Variants in DDX23 observed in about 807,000 individuals in gnomAD.
DDX23 encodes the protein probable ATP-dependent RNA helicase DDX23.
A neutral mutation model predicts 102.7 loss-of-function variants in DDX23; 33 were observed. The observed-to-expected ratio is 0.32, with a 90% CI of 0.24 to 0.43. The LOEUF (loss-of-function observed/expected upper bound fraction) is 0.43, where lower values mean the gene tolerates loss of function less well. Among genes scored for constraint, DDX23 ranks in the 20% least tolerant of loss-of-function variants. The pLI, the probability that DDX23 is intolerant of heterozygous loss-of-function variation, is 1.00. For missense variants in DDX23, 549 were observed against 1,086.6 expected, an observed-to-expected ratio of 0.51 and a Z score of 6.96; for synonymous variants, 352 against 376.0, an observed-to-expected ratio of 0.94 and a Z score of 0.74.
At chr12:48,843,903 G>A in intron 3 of DDX23, 37 bp downstream of exon 3, 1 of 1,601,722 alleles carries the variant, frequency 6.2e-7, no homozygotes, top group Non-Finnish European at 8.6e-7. Context: ...AGAAATGGGA[G>A]CATTCCCCTA....
At chr12:48,849,922 G>C (rs1938731220) in intron 1 of DDX23, among the ~76,000 whole-genome samples, 1 of 152,214 alleles carries the variant, frequency 6.6e-6, no homozygotes, top group Non-Finnish European at 1.5e-5. Context: ...CTTGACCCTG[G>C]GAAGCACTAA....
chr12:48,845,799 G>C lies in DDX23; in HGVS notation c.1-17C>G. The C allele has an allele frequency of 1.2e-6, 2 of 1,612,592 alleles. No homozygotes were observed. The highest frequency in any genetic ancestry group is 1.7e-6 in the Non-Finnish European group (2 of 1,179,088). ...TCCTGCCATCTGTAATGAGTAGGAA[G>C]AGTACTTACAATGTACTAGGCACTG... On this transcript the variant is annotated splice_polypyrimidine_tract_variant and intron_variant, in intron 1 of 16. Transcript: ENST00000308025.
chr12:48,831,474 G>A (rs1938385531), intron 15 of DDX23, among the ~76,000 whole-genome samples, 158 bp from the exon 16 acceptor site: 1 of 152,270 alleles, frequency 6.6e-6, no homozygotes, highest in Non-Finnish European at 1.5e-5. Context: ...AAGAAGGAGA[G>A]AACAAGTGAG....
At chr12:48,849,844 T>A (rs1202762806) in intron 1 of DDX23, among the ~76,000 whole-genome samples, 1 of 152,148 alleles carries the variant, frequency 6.6e-6, no homozygotes, top group Non-Finnish European at 1.5e-5. Context: ...ATACTACCTA[T>A]GGGGCCCATG....
intron 8 of DDX23, 97 bp downstream of exon 8, chr12:48,837,184 C>T: frequency 6.5e-7 from 1 of 1,550,012 alleles, no homozygotes; most frequent in Non-Finnish European, 8.8e-7. Flanking sequence ...ACCAATTTTC[C>T]ATCCCAGCTT....
rs1407262883 is a variant in DDX23 at position 48,832,075 on chromosome 12, C to T, written c.2064+3G>A. ...AGACTTTGTTCTCCCCTGCCAGACA[C>T]ACCCCCATCTTCTCCAGGGATTTGG... On this transcript the variant is annotated splice_donor_region_variant and intron_variant, in intron 15 of 16. Transcript: ENST00000308025. The surrounding 1 kb of genome is among the most constrained non-coding windows in gnomAD (Gnocchi z 4.4). 3 of 1,613,806 alleles carry T rather than the reference C, an allele frequency of 1.9e-6. No individual in the cohort carries two copies. Among genetic ancestry groups the T allele is most frequent in the South Asian group, 2.2e-5 (2 of 91,080 alleles).
At chr12:48,834,083 T>C (rs1938429764) in intron 12 of DDX23, among the ~76,000 whole-genome samples, 3 of 152,208 alleles carry the variant, frequency 2.0e-5, no homozygotes, top group Admixed American at 6.5e-5. Context: ...GAACCTCAGC[T>C]TGATCTATAA....
rs372885648 is a variant in DDX23 at position 48,848,244 on chromosome 12, C to T, written c.1-2462G>A. Among the ~76,000 whole-genome samples the T allele has an allele frequency of 2.6e-5, 4 of 152,032 alleles. No homozygotes were observed. In the East Asian group the frequency reaches 5.8e-4, roughly 22 times the overall value. ...GAGCTTGCAGTGAGCCGAGATCATG[C>T]CACTGCACTCCAGCCTGGGTGACAG... On this transcript the variant is annotated intron_variant, in intron 1 of 16. Transcript: ENST00000308025.
Position 48,843,955 on chromosome 12 carries a change from T to G in DDX23, c.305A>C (p.Asp102Ala). The G allele has an allele frequency of 6.2e-7, 1 of 1,614,072 alleles. No individual in the cohort carries two copies. The highest frequency in any genetic ancestry group is 8.5e-7 in the Non-Finnish European group (1 of 1,179,986). ...CTTCATGTACCTGGATCGTTTACGG[T>G]CCTTGTCCCGTCTGTGCCCATCCTT... ...RDKDGHRRDK[D>A]RKRSSLSPGR... Residue 102 changes from aspartate to alanine, a missense_variant, in exon 3 of 17, where the codon GAC (aspartate) becomes GCC (alanine). Around this residue, in one of 4 missense-constraint regions of DDX23, gnomAD observed 241 missense variants for 267.0 expected, o/e 0.90. Coordinates refer to ENST00000308025, the MANE Select transcript of DDX23 (RefSeq NM_004818.3).
intron 15 of DDX23, chr12:48,831,866 T>C (rs1592199133): frequency 5.1e-6 from 3 of 583,586 alleles, no homozygotes; most frequent in Non-Finnish European, 9.1e-6. Context: ...CAAGGCAGCT[T>C]TGGCTGGCAT....
chr12:48,831,449 G>A, intron 15 of DDX23, 133 bp from the exon 16 acceptor site: 4 of 848,392 alleles, frequency 4.7e-6, no homozygotes, highest in South Asian at 1.5e-5. Context: ...GGAAACAAGA[G>A]AATGATTGCA....
At chr12:48,843,795 G>C in intron 3 of DDX23, 145 bp downstream of exon 3, 1 of 766,582 alleles carries the variant, frequency 1.3e-6, no homozygotes, top group Admixed American at 2.3e-5. Flanking sequence ...TGATCCACCA[G>C]CCTCAGCCTC....
intron 3 of DDX23, among the ~76,000 whole-genome samples, chr12:48,841,612 C>T (rs1470846866): frequency 2.0e-5 from 3 of 152,226 alleles, no homozygotes; most frequent in African/African-American, 4.8e-5. Flanking sequence ...AGGCGTGCGC[C>T]GCCACGCCTG....
At chr12:48,834,747 A>G (rs1050263484) in intron 11 of DDX23, 17 of 344,380 alleles carry the variant, frequency 4.9e-5, no homozygotes, top group Non-Finnish European at 8.5e-5. Flanking sequence ...CAGCCTGGCC[A>G]ACATGGTGAA....
chr12:48,833,246 A>G, intron 13 of DDX23, 31 bp downstream of exon 13: 1 of 1,612,946 alleles, frequency 6.2e-7, no homozygotes, highest in Non-Finnish European at 8.5e-7. Flanking sequence ...TGGCCTGTCC[A>G]ACTTTTCCCA....
At chr12:48,848,899 G>A (rs536796604) in intron 1 of DDX23, among the ~76,000 whole-genome samples, 34 of 152,010 alleles carry the variant, frequency 2.2e-4, no homozygotes, top group African/African-American at 6.8e-4. Context: ...TTACAGGCGC[G>A]TGCCACACCA....
chr12:48,851,777 G>C (rs1938763716), intron 1 of DDX23, among the ~76,000 whole-genome samples: 1 of 152,242 alleles, frequency 6.6e-6, no homozygotes, highest in African/African-American at 2.4e-5. Context: ...GTTCCAGTTT[G>C]GCTGCACCAA....
rs951448318 is a variant in DDX23, at chr12:48,836,510, T to C, written c.1236+59A>G. ...CAAATAGTCAAGGAACAAAGTTCTC[T>C]ATTCCCAAACTAGTGTAGGAACATG... On this transcript the variant is annotated intron_variant, in intron 10 of 16. Coordinates refer to ENST00000308025, the MANE Select transcript of DDX23 (RefSeq NM_004818.3). The surrounding 1 kb of genome is among the most constrained non-coding windows in gnomAD (Gnocchi z 6.1). 2.0e-6 allele frequency: 3 copies of C among 1,538,298 alleles called. No individual in the cohort carries two copies. The highest frequency in any genetic ancestry group is 2.7e-6 in the Non-Finnish European group (3 of 1,118,862).
intron 1 of DDX23, 78 bp from the exon 2 acceptor site, chr12:48,845,860 A>C: frequency 7.0e-7 from 1 of 1,432,972 alleles, no homozygotes; most frequent in Non-Finnish European, 9.6e-7. Flanking sequence ...ATTACCCTCA[A>C]AACAACCCTA....
Sources: gnomAD v4.1 joint callset for allele counts (sites outside exome capture counted in the v4.1 genomes callset) on GRCh38, gnomAD v4.1.1 for gene constraint, gnomAD v4.1.1 regional missense constraint, Gnocchi (gnomAD v3.1) non-coding constraint, MANE v1.5 for transcripts, NCBI Gene and HGNC (gene_info 2026-07-23, HGNC 2026-07-21) for gene names.